The following TFR2 variants were observed in gnomAD, a reference collection of about 807,000 sequenced individuals.
TFR2 encodes the protein transferrin receptor 2.
Under a neutral mutation model 91.9 loss-of-function variants are expected in TFR2, and 64 were observed. The observed-to-expected ratio is 0.70, with a 90% CI of 0.57 to 0.86. The LOEUF (loss-of-function observed/expected upper bound fraction) is 0.86. Ranked by LOEUF, TFR2 falls within the 40% of genes least tolerant of loss-of-function variation. TFR2 has a pLI of 0.00. For missense variants in TFR2, 950 were observed against 1,080.5 expected, an observed-to-expected ratio of 0.88 and a Z score of 1.69; for synonymous variants, 454 against 459.6, an observed-to-expected ratio of 0.99 and a Z score of 0.15.
At chr7:100,631,646 C>A in intron 8 of TFR2, 160 bp downstream of exon 8, 1 of 926,054 alleles carries the variant, frequency 1.1e-6, no homozygotes, top group Non-Finnish European at 1.6e-6. Context: ...AGGTCAGGGT[C>A]TCTCTGTCTC....
chr7:100,626,918 C>A lies in TFR2; in HGVS notation c.1996-15G>T. 1 of 1,528,168 alleles carries A rather than the reference C, an allele frequency of 6.5e-7. No individual in the cohort carries two copies. The highest frequency in any genetic ancestry group is 1.2e-5 in the South Asian group (1 of 82,274). The allele number at this position is 1,528,168 out of a possible 1,614,324, so 94.7% of individuals were successfully genotyped here. On this transcript the variant is annotated splice_polypyrimidine_tract_variant and intron_variant, in intron 16 of 17. Transcript: ENST00000223051. ...AGCCCGCGGGCCTGGGGTGGGGAGG[C>A]GCGGGCTGGGGCTGGCGGCAGGGGC...
rs1249896295 is a variant in TFR2 at position 100,620,541 on chromosome 7, A to G, written c.*316T>C. 2 of 317,282 alleles carry G rather than the reference A, an allele frequency of 6.3e-6. No individual in the cohort carries two copies. The highest frequency in any genetic ancestry group is 1.2e-5 in the Non-Finnish European group (2 of 166,292). The allele number at this position is 317,282 out of a possible 1,614,324, so 19.7% of individuals were successfully genotyped here. A position where few individuals can be genotyped will look rare whatever the true frequency, so the allele number is the denominator to read the frequency against. ...CCACTAACAGAGCTGGCCAGGTCCC[A>G]GGGCCTAGCAAACCTCCCAGAGTGG... On this transcript the variant is annotated 3_prime_UTR_variant, in exon 18 of 18. Transcript: ENST00000223051.
chr7:100,624,638 G>A (rs1210859136), intron 17 of TFR2, among the ~76,000 whole-genome samples: 3 of 152,170 alleles, frequency 2.0e-5, no homozygotes, highest in Non-Finnish European at 4.4e-5. Flanking sequence ...AGCTGAGGTG[G>A]GAGAGTCGCT....
chr7:100,628,282 A>G lies in TFR2; in HGVS notation c.1415T>C (p.Leu472Pro). 6.2e-7 allele frequency: 1 copy of G among 1,613,872 alleles called. No individual in the cohort carries two copies. The highest frequency in any genetic ancestry group is 8.5e-7 in the Non-Finnish European group (1 of 1,179,936). The change falls in exon 11 of 18, where the codon CTC becomes CCC. Residue 472 changes from leucine to proline, a missense_variant. By Grantham distance (98) the Leu-to-Pro change is moderately conservative (BLOSUM62 -3). Coordinates refer to ENST00000223051, the MANE Select transcript of TFR2 (RefSeq NM_003227.4). ...SNGFRPRRSLLFISWDGGDFG... is the reference protein window; with the variant it reads ...SNGFRPRRSLPFISWDGGDFG... Reference sequence around the variant, plus strand: ...GTCACCACCGTCCCAGCTGATGAAGAGGAGACTTCTGCGGGGCCGGAAGCC... The same window carrying G: ...GTCACCACCGTCCCAGCTGATGAAGGGGAGACTTCTGCGGGGCCGGAAGCC...
chr7:100,641,502 C>T lies in TFR2; in HGVS notation c.8G>A (p.Arg3Gln), dbSNP rs1455682946. 32 of 1,613,718 alleles carry T rather than the reference C, an allele frequency of 2.0e-5. No homozygotes were observed. Among genetic ancestry groups the T allele is most frequent in the Non-Finnish European group, 2.4e-5 (28 of 1,179,912 alleles). ...CGCTCTCTGGAATAGACCCCAAAGC[C>T]GCTCCATGCTTGTGTCCCCTCCTGA... MERLWGLFQRAQQ... is the reference protein window; with the variant it reads MEQLWGLFQRAQQ... The change falls in exon 1 of 18, where the codon CGG (arginine) becomes CAG (glutamine). Residue 3 changes from arginine to glutamine, a missense_variant. Arg to Gln is a conservative substitution (Grantham distance 43, BLOSUM62 1). Transcript: ENST00000223051.
chr7:100,630,489 C>T (rs1803403566), intron 9 of TFR2, among the ~76,000 whole-genome samples: 1 of 152,128 alleles, frequency 6.6e-6, no homozygotes, highest in African/African-American at 2.4e-5. Flanking sequence ...GGGGTTTCAC[C>T]ATGTTAGCCA....
chr7:100,632,024 A>G, intron 7 of TFR2, 58 bp downstream of exon 7: 1 of 1,614,052 alleles, frequency 6.2e-7, no homozygotes, highest in Non-Finnish European at 8.5e-7. Context: ...CCCTATTCTG[A>G]GCAAGAAGGT....
chr7:100,620,477 C>T lies in TFR2; in HGVS notation c.*380G>A, dbSNP rs1034525545. On this transcript the variant is annotated 3_prime_UTR_variant, in exon 18 of 18. Coordinates refer to ENST00000223051, the MANE Select transcript of TFR2 (RefSeq NM_003227.4). ...ACTCCACGCCCCTTTCACCACAGAC[C>T]ACCTGTTGGCCATAAGGCTATGGTG... 5.5e-5 allele frequency: 11 copies of T among 201,110 alleles called. No homozygotes were observed. Among genetic ancestry groups the T allele is most frequent in the African/African-American group, 2.5e-4 (11 of 43,282 alleles). The allele number at this position is 201,110 out of a possible 1,614,324, so 12.5% of individuals were successfully genotyped here.
chr7:100,621,968 T>G (rs1803124589), intron 17 of TFR2, among the ~76,000 whole-genome samples: 2 of 152,148 alleles, frequency 1.3e-5, no homozygotes, highest in Non-Finnish European at 2.9e-5. Context: ...ACCTATTAAA[T>G]TATCATTGCC....
intron 17 of TFR2, among the ~76,000 whole-genome samples, chr7:100,622,432 C>G (rs1803136301): frequency 6.6e-6 from 1 of 152,204 alleles, no homozygotes; most frequent in Non-Finnish European, 1.5e-5. Context: ...TGGCCCATGG[C>G]TTTCTGCAGG....
chr7:100,623,772 G>A (rs142502527), intron 17 of TFR2, among the ~76,000 whole-genome samples: 2,637 of 151,284 alleles, frequency 0.017, 25 homozygotes, highest in Non-Finnish European at 0.025. Context: ...ACTCCCAGCC[G>A]GGCGCAGTAG....
intron 17 of TFR2, among the ~76,000 whole-genome samples, chr7:100,625,449 A>G (rs1803228841): frequency 6.6e-6 from 1 of 152,074 alleles, no homozygotes; most frequent in South Asian, 2.1e-4. Context: ...TGTCTTCTGC[A>G]TGCTGACACA....
intron 17 of TFR2, among the ~76,000 whole-genome samples, chr7:100,625,783 G>C (rs1803237058): frequency 6.6e-6 from 1 of 152,284 alleles, no homozygotes; most frequent in East Asian, 1.9e-4. Context: ...TACTAGGGAG[G>C]CTGAGGTGGG....
chr7:100,630,769 G>A (rs1803408558), intron 9 of TFR2, 120 bp downstream of exon 9: 3 of 1,426,994 alleles, frequency 2.1e-6, no homozygotes, highest in Non-Finnish European at 1.9e-6. Context: ...CCCTCCTCTG[G>A]GCACCACTCC....
In TFR2 at chr7:100,633,154, C is replaced by T. The variant is rs557702946; in HGVS notation, c.727-31G>A. On this transcript the variant is annotated intron_variant, in intron 5 of 17. Coordinates refer to ENST00000223051, the MANE Select transcript of TFR2 (RefSeq NM_003227.4). ...GACACGAGGACGGTGAGGCGCGCTC[C>T]CCGCGTCCCTCCTTCGAGACCCAGG... 9.3e-6 allele frequency: 15 copies of T among 1,613,180 alleles called. 1 individual carries two copies. The South Asian group carries it at 1.4e-4, about 15-fold the overall frequency.
In TFR2 at chr7:100,628,247, C is replaced by T. The variant is rs533880980; in HGVS notation, c.1450G>A (p.Val484Met). The change falls in exon 11 of 18, where the codon GTG becomes ATG. Residue 484 changes from valine (V) to methionine (M), a missense_variant. By Grantham distance (21) the Val-to-Met change is conservative. Coordinates refer to ENST00000223051, the MANE Select transcript of TFR2 (RefSeq NM_003227.4). ...ACCTCTAGCCACTCCGTGGAGCCCA[C>T]GCTTCCAAAGTCACCACCGTCCCAG... ...ISWDGGDFGS[V>M]GSTEWLEGYL... The T allele has an allele frequency of 3.3e-5, 53 of 1,613,896 alleles. No homozygotes were observed. In the South Asian group the frequency reaches 4.1e-4, roughly 12 times the overall value.
rs919699443 is a variant in TFR2, at chr7:100,620,623, C to T, written c.*234G>A. The T allele has an allele frequency of 5.5e-6, 3 of 545,644 alleles. No homozygotes were observed. Among genetic ancestry groups the T allele is most frequent in the Non-Finnish European group, 9.8e-6 (3 of 306,920 alleles). 33.8% of individuals were successfully genotyped at this position (545,644 alleles called of 1,614,324 possible). On this transcript the variant is annotated 3_prime_UTR_variant, in exon 18 of 18. Transcript: ENST00000223051. ...AGGGGCTGTGATTGAAGGGATGCTACTCTCTGATTAACCGACAGTATGACC... is the reference window on the plus strand; with the variant it reads ...AGGGGCTGTGATTGAAGGGATGCTATTCTCTGATTAACCGACAGTATGACC...
Position 100,641,469 on chromosome 7 carries a change from A to C in TFR2, c.33+8T>G. On this transcript the variant is annotated splice_region_variant and intron_variant, in intron 1 of 17. Coordinates refer to ENST00000223051, the MANE Select transcript of TFR2 (RefSeq NM_003227.4). ...CCTAAGGGGTCTTCCCAATCCCACT[A>C]GTCTTACCGCTCTCTGGAATAGACC... 6.2e-7 allele frequency: 1 copy of C among 1,613,884 alleles called. No individual in the cohort carries two copies. Among genetic ancestry groups the C allele is most frequent in the African/African-American group, 1.3e-5 (1 of 75,008 alleles).
intron 9 of TFR2, 144 bp downstream of exon 9, chr7:100,630,745 C>A: frequency 8.5e-7 from 1 of 1,174,678 alleles, no homozygotes; most frequent in Non-Finnish European, 1.2e-6. Flanking sequence ...AGTTCAGCCT[C>A]AACTTGCCAG....
Sources: gnomAD v4.1 joint callset for allele counts (sites outside exome capture counted in the v4.1 genomes callset) on GRCh38, gnomAD v4.1.1 for gene constraint, MANE v1.5 for transcripts, NCBI Gene and HGNC (gene_info 2026-07-23, HGNC 2026-07-21) for gene names.